The following FBXO11 variants were observed in gnomAD, a reference collection of about 807,000 sequenced individuals.
FBXO11 encodes the protein F-box only protein 11.
In FBXO11, 13 loss-of-function variants were observed where a neutral mutation model predicts 117.0. The observed-to-expected ratio is 0.11, with a 90% CI of 0.07 to 0.18. The LOEUF is 0.18. Ranked by LOEUF, FBXO11 falls within the 10% of genes least tolerant of loss-of-function variation. The probability of loss-of-function intolerance (pLI) is 1.00; values close to 1 mark genes in which losing one functional copy is unlikely to be tolerated. For synonymous variants in FBXO11, 490 were observed against 380.5 expected (o/e 1.29, Z -3.35); for missense variants, 767 against 1,164.4 (o/e 0.66, Z 4.97).
In FBXO11 at chr2:47,860,192, G is replaced by A. The variant is rs184931022; in HGVS notation, c.233-20423C>T. Among the ~76,000 whole-genome samples, 97 of 152,276 alleles carry A rather than the reference G, an allele frequency of 6.4e-4. No individual in the cohort carries two copies. The East Asian group carries it at 0.018, about 28-fold the overall frequency. On this transcript the variant is annotated intron_variant, in intron 1 of 22. Transcript: ENST00000403359. Reference sequence around the variant, plus strand: ...TTGCTTCTGTTTCTTAGTGTTAAATGAAACTGCTGGGCACTTTATTCCAAA... The same window carrying A: ...TTGCTTCTGTTTCTTAGTGTTAAATAAAACTGCTGGGCACTTTATTCCAAA...
chr2:47,839,232 A>G (rs1409173088), intron 3 of FBXO11, among the ~76,000 whole-genome samples, 187 bp downstream of exon 3: 2 of 152,232 alleles, frequency 1.3e-5, no homozygotes, highest in African/African-American at 4.8e-5. Flanking sequence ...AAATAAATAC[A>G]TAAAAAGCAT....
At chr2:47,885,999 CAATACTTAACCTCATGCATT>C (rs1676809385) in intron 1 of FBXO11, among the ~76,000 whole-genome samples, 1 of 132,274 alleles carries the variant, frequency 7.6e-6, no homozygotes, top group Non-Finnish European at 1.8e-5. Flanking sequence ...TTCATTCATT[CAATACTTAACCTCATGCATT>C]AATGATGGGA....
rs754092904 is a variant in FBXO11, at chr2:47,905,541, CGGCGGCGGA to C, written c.171_179del (p.Pro64_Pro66del). On this transcript the variant is annotated inframe_deletion, in exon 1 of 23. Transcript: ENST00000403359. Reference sequence around the variant, plus strand: ...GAGGCAGCGGCGGAGGCGGCGGTGGCGGCGGCGGAGGCTGCTGCTGCTGCTGCTGCTGCG... The same window carrying C: ...GAGGCAGCGGCGGAGGCGGCGGTGGCGGCTGCTGCTGCTGCTGCTGCTGCG... 1 of 1,238,502 alleles carries C rather than the reference CGGCGGCGGA, an allele frequency of 8.1e-7. No individual in the cohort carries two copies. The highest frequency in any genetic ancestry group is 1.0e-6 in the Non-Finnish European group (1 of 993,548). The allele number at this position is 1,238,502 out of a possible 1,614,324, so 76.7% of individuals were successfully genotyped here.
chr2:47,890,895 G>A (rs766955006), intron 1 of FBXO11, among the ~76,000 whole-genome samples: 25 of 152,130 alleles, frequency 1.6e-4, no homozygotes, highest in South Asian at 1.2e-3. Flanking sequence ...ATAGCTCACC[G>A]CAGCCTTGAC....
Position 47,823,123 on chromosome 2 carries a change from C to T in FBXO11, c.1616+20G>A, listed in dbSNP as rs961863163. On this transcript the variant is annotated intron_variant, in intron 12 of 22. Transcript: ENST00000403359. ...CTTGAAGTGAAAAAGTAATTTTCACCCATAATTATATGTAAATACCTTATT... is the reference window on the plus strand; with the variant it reads ...CTTGAAGTGAAAAAGTAATTTTCACTCATAATTATATGTAAATACCTTATT... 5.2e-6 allele frequency: 8 copies of T among 1,537,156 alleles called. No homozygotes were observed. Among genetic ancestry groups the T allele is most frequent in the Admixed American group, 3.8e-5 (2 of 53,252 alleles).
At chr2:47,830,087 G>GA (rs1161135429) in intron 11 of FBXO11, among the ~76,000 whole-genome samples, 11 of 152,010 alleles carry the variant, frequency 7.2e-5, no homozygotes, top group Non-Finnish European at 1.3e-4. Flanking sequence ...TAAATAACCA[G>GA]AAAGATAGCT....
At chr2:47,898,931 T>G (rs542274275) in intron 1 of FBXO11, among the ~76,000 whole-genome samples, 1 of 152,188 alleles carries the variant, frequency 6.6e-6, no homozygotes, top group South Asian at 2.1e-4. Context: ...TAGCTGAGCC[T>G]CTACTTCTTC....
Position 47,839,476 on chromosome 2 carries a change from T to A in FBXO11, c.385A>T (p.Asn129Tyr). 1.2e-6 allele frequency: 2 copies of A among 1,614,012 alleles called. No individual in the cohort carries two copies. Among genetic ancestry groups the A allele is most frequent in the Non-Finnish European group, 1.7e-6 (2 of 1,179,998 alleles). ...MEGASTSTTE[N>Y]FGHRAKRARV... ...GCACGTTTTGCACGATGACCAAAGT[T>A]TTCTGTAGTTGAAGTTGAGGCGCCC... is the stretch of plus-strand genomic sequence containing the variant. The change falls in exon 3 of 23, where the codon AAC becomes TAC. Residue 129 changes from asparagine (N) to tyrosine (Y), a missense_variant. Physicochemically the swap from Asn to Tyr is moderately radical, Grantham distance 143 (BLOSUM62 -2). Around this residue, in one of 10 missense-constraint regions of FBXO11, gnomAD observed 355 missense variants for 299.8 expected, o/e 1.18. Transcript: ENST00000403359.
chr2:47,842,188 G>C (rs1673065320), intron 1 of FBXO11, among the ~76,000 whole-genome samples: 1 of 150,022 alleles, frequency 6.7e-6, no homozygotes, highest in South Asian at 2.1e-4. Flanking sequence ...GCTAATTTTT[G>C]TATTTTTGAT....
chr2:47,899,273 C>CAAAAAA (rs376186704), intron 1 of FBXO11, among the ~76,000 whole-genome samples: 3 of 60,632 alleles, frequency 4.9e-5, no homozygotes, highest in Non-Finnish European at 6.4e-5. Context: ...GACTCCGTCT[C>CAAAAAA]AAAAAAAAAA....
intron 1 of FBXO11, among the ~76,000 whole-genome samples, chr2:47,899,640 G>A (rs1407009038): frequency 6.6e-6 from 1 of 152,114 alleles, no homozygotes; most frequent in Non-Finnish European, 1.5e-5. Flanking sequence ...ACATCATACT[G>A]TCTCATTCCT....
At chr2:47,880,600 G>A (rs1273772099) in intron 1 of FBXO11, among the ~76,000 whole-genome samples, 1 of 152,162 alleles carries the variant, frequency 6.6e-6, no homozygotes, top group South Asian at 2.1e-4. Context: ...TGCTATGAAT[G>A]TATTTCCATT....
At chr2:47,815,854 C>T (rs1670970111) in intron 16 of FBXO11, among the ~76,000 whole-genome samples, 1 of 152,184 alleles carries the variant, frequency 6.6e-6, no homozygotes, top group Admixed American at 6.5e-5. Context: ...CCTCCTGTGG[C>T]TCAGCAGGGA....
chr2:47,818,646 T>G, intron 16 of FBXO11, 133 bp downstream of exon 16: 1 of 656,480 alleles, frequency 1.5e-6, no homozygotes, highest in South Asian at 2.5e-5. Context: ...TAAGTCAAGA[T>G]TATTTTAAGA....
intron 1 of FBXO11, among the ~76,000 whole-genome samples, chr2:47,904,581 AACACACACACACACACACACACACAC>A (rs112758707): frequency 6.8e-6 from 1 of 147,584 alleles, no homozygotes; most frequent in African/African-American, 2.5e-5. Context: ...CGCGCGCGCA[AACACACACACACACACACACACACAC>A]ACACACACAC....
In FBXO11 at chr2:47,834,704, T is replaced by G. The variant is rs1672423426; in HGVS notation, c.809A>C (p.Asp270Ala). ...CCCACCAAGGGCATCTTCAATAGTA[T>G]CATAATACTAGAAAAAAATAAATGT... ...YKGRENMLYY[D>A]TIEDALGGVQ... is the part of the protein sequence containing the mutation. Residue 270 changes from aspartate (D) to alanine (A), a missense_variant, in exon 7 of 23, where the codon GAT (aspartate) becomes GCT (alanine). Physicochemically the swap from Asp to Ala is moderately radical, Grantham distance 126 (BLOSUM62 -2). Transcript: ENST00000403359. 1 of 1,608,580 alleles carries G rather than the reference T, an allele frequency of 6.2e-7. No individual in the cohort carries two copies. The highest frequency in any genetic ancestry group is 1.3e-5 in the African/African-American group (1 of 74,430).
chr2:47,903,722 C>T (rs1043046530), intron 1 of FBXO11, among the ~76,000 whole-genome samples: 5 of 152,166 alleles, frequency 3.3e-5, no homozygotes, highest in African/African-American at 1.2e-4. Flanking sequence ...CTTACTGTAG[C>T]AATAGAATCC....
intron 8 of FBXO11, 26 bp downstream of exon 8, chr2:47,832,938 G>A (rs1672297179): frequency 6.3e-7 from 1 of 1,599,340 alleles, no homozygotes; most frequent in Non-Finnish European, 8.6e-7. Flanking sequence ...ATTTCAATGT[G>A]TATTTTAAAT....
intron 1 of FBXO11, among the ~76,000 whole-genome samples, chr2:47,866,246 A>C (rs1451990904): frequency 3.9e-5 from 4 of 102,454 alleles, no homozygotes; most frequent in Non-Finnish European, 8.1e-5. Flanking sequence ...CTTCTGCTTC[A>C]AAAAAAAAAA....
Sources: allele counts gnomAD v4.1 joint callset (sites outside exome capture counted in the v4.1 genomes callset), GRCh38; gene constraint gnomAD v4.1.1; regional missense constraint gnomAD v4.1.1; transcripts MANE v1.5; gene names NCBI Gene and HGNC (gene_info 2026-07-23, HGNC 2026-07-21).